The following ATPAF2 variants were observed in gnomAD, a reference collection of about 807,000 sequenced individuals.
The protein encoded by ATPAF2 is ATP synthase mitochondrial F1 complex assembly factor 2.
ATPAF2 carries 30 observed loss-of-function variants against 36.6 expected under a neutral mutation model. The ratio of observed to expected loss-of-function variants is 0.82; its 90% CI spans 0.61 to 1.11. The LOEUF (loss-of-function observed/expected upper bound fraction) is 1.11, where lower values mean the gene tolerates loss of function less well. Ranked by LOEUF, ATPAF2 falls within the 50% of genes most tolerant of loss-of-function variation. ATPAF2 has a pLI of 0.00. For missense variants in ATPAF2, 321 were observed against 372.3 expected (o/e 0.86, Z 1.13); for synonymous variants, 140 against 152.6 (o/e 0.92, Z 0.61).
chr17:18,021,726 C>T lies in ATPAF2; in HGVS notation c.616+19G>A, dbSNP rs1568567022. 11 of 1,610,388 alleles carry T rather than the reference C, an allele frequency of 6.8e-6. No individual in the cohort carries two copies. Among genetic ancestry groups the T allele is most frequent in the Non-Finnish European group, 9.3e-6 (11 of 1,177,354 alleles). ...CCTTCACAGCCACCTGCCAAGCCCACAAGAAACTCCATACATGCCTTGTAA... is the reference window on the plus strand; with the variant it reads ...CCTTCACAGCCACCTGCCAAGCCCATAAGAAACTCCATACATGCCTTGTAA... On this transcript the variant is annotated intron_variant, in intron 6 of 7. Coordinates refer to ENST00000474627, the MANE Select transcript of ATPAF2 (RefSeq NM_145691.4).
At chr17:18,031,955 C>G (rs185090195) in intron 1 of ATPAF2, among the ~76,000 whole-genome samples, 7 of 152,318 alleles carry the variant, frequency 4.6e-5, no homozygotes, top group Admixed American at 2.6e-4. Flanking sequence ...CTGTCCTGGT[C>G]ATATCCAAAT....
At chr17:18,017,187 AAAAAAAAAAAAAAAAAAAAAAT>A (rs1388500406), downstream of ATPAF2, among the ~76,000 whole-genome samples, 19 of 142,772 alleles carry the variant, frequency 1.3e-4, no homozygotes, top group African/African-American at 4.6e-4. Context: ...AAAAAAAAAA[AAAAAAAAAAAAAAAAAAAAAAT>A]GTTCATGTAG....
At chr17:18,029,090 T>C (rs2044590275) in intron 1 of ATPAF2, among the ~76,000 whole-genome samples, 1 of 152,202 alleles carries the variant, frequency 6.6e-6, no homozygotes, top group African/African-American at 2.4e-5. Flanking sequence ...AAAGCCAGTG[T>C]GCGTGCGCAG....
downstream of ATPAF2, chr17:18,016,593 C>G (rs763917499): frequency 6.2e-7 from 1 of 1,613,816 alleles, no homozygotes; most frequent in East Asian, 2.2e-5. Context: ...ACCGCAAGCG[C>G]GTGAAGGAGA....
intron 3 of ATPAF2, chr17:18,026,819 A>T (rs2044553013): frequency 3.8e-6 from 1 of 265,606 alleles, no homozygotes; most frequent in African/African-American, 2.2e-5. Context: ...AATACAGTTA[A>T]TAAGACATGT....
At chr17:18,032,508 C>G (rs1228894028) in intron 1 of ATPAF2, among the ~76,000 whole-genome samples, 1 of 152,224 alleles carries the variant, frequency 6.6e-6, no homozygotes, top group African/African-American at 2.4e-5. Flanking sequence ...GCCGCCAGGC[C>G]TCAGATTAGA....
intron 1 of ATPAF2, among the ~76,000 whole-genome samples, chr17:18,038,047 C>G (rs2044729905): frequency 6.6e-6 from 1 of 152,222 alleles, no homozygotes; most frequent in Non-Finnish European, 1.5e-5. Context: ...ACAATTTAAT[C>G]AGAATATTAT....
At chr17:18,036,991 A>C (rs7503738) in intron 1 of ATPAF2, among the ~76,000 whole-genome samples, 1 of 151,966 alleles carries the variant, frequency 6.6e-6, no homozygotes. Context: ...GAATTGCTTG[A>C]ATCTGGGAGG....
chr17:18,020,305 T>G (rs2044451039), intron 7 of ATPAF2, among the ~76,000 whole-genome samples: 1 of 152,246 alleles, frequency 6.6e-6, no homozygotes, highest in Non-Finnish European at 1.5e-5. Flanking sequence ...GCTACCCCTA[T>G]GCTCCTCTGC....
At chr17:18,019,571 TTC>T (rs1354866939) in intron 7 of ATPAF2, among the ~76,000 whole-genome samples, 1 of 152,248 alleles carries the variant, frequency 6.6e-6, no homozygotes, top group Non-Finnish European at 1.5e-5. Context: ...AAGTTGCAGA[TTC>T]TCTGTCTGGA....
chr17:18,022,705 G>A lies in ATPAF2; in HGVS notation c.504-848C>T, dbSNP rs1402999760. Among the ~76,000 whole-genome samples, 5 of 149,880 alleles carry A rather than the reference G, an allele frequency of 3.3e-5. No homozygotes were observed. The East Asian group carries it at 7.8e-4, about 23-fold the overall frequency. On this transcript the variant is annotated intron_variant, in intron 5 of 7. Coordinates refer to ENST00000474627, the MANE Select transcript of ATPAF2 (RefSeq NM_145691.4). ...GCGACCTCCGCCTCCTGACCTCTGC[G>A]CCTGGCTGAGAAGATACATTTTCAA... is the stretch of plus-strand genomic sequence containing the variant.
intron 1 of ATPAF2, among the ~76,000 whole-genome samples, chr17:18,036,171 T>C (rs1485950525): frequency 6.6e-6 from 1 of 152,198 alleles, no homozygotes; most frequent in Non-Finnish European, 1.5e-5. Flanking sequence ...CCAAGTTCAA[T>C]CAGCTTGCTG....
chr17:18,027,516 C>T (rs974905257), intron 3 of ATPAF2, among the ~76,000 whole-genome samples: 10 of 152,148 alleles, frequency 6.6e-5, no homozygotes, highest in African/African-American at 2.2e-4. Context: ...ACCACAGCTC[C>T]GTGAGGTGGG....
intron 3 of ATPAF2, 33 bp downstream of exon 3, chr17:18,028,199 T>C (rs2044575630): frequency 1.9e-6 from 3 of 1,613,986 alleles, no homozygotes; most frequent in Middle Eastern, 1.7e-4. Flanking sequence ...TGGGTGGGTC[T>C]CAGGGTCCAG....
intron 3 of ATPAF2, 107 bp downstream of exon 3, chr17:18,028,125 C>G (rs750758706): frequency 8.7e-6 from 12 of 1,381,384 alleles, no homozygotes; most frequent in African/African-American, 1.4e-5. Context: ...GGGGGCCAGA[C>G]AGGCAAAGGA....
intron 6 of ATPAF2, 136 bp downstream of exon 6, chr17:18,021,609 C>T (rs199545521): frequency 2.4e-6 from 2 of 826,872 alleles, no homozygotes; most frequent in East Asian, 4.9e-5. Flanking sequence ...TCAGAGCCAC[C>T]CAGCCTCCAC....
intron 7 of ATPAF2, among the ~76,000 whole-genome samples, chr17:18,020,525 A>G (rs1597665370): frequency 6.6e-6 from 1 of 152,358 alleles, no homozygotes; most frequent in South Asian, 2.1e-4. Flanking sequence ...CACATTTTCC[A>G]GAGGTGCAAC....
At chr17:18,021,376 AAG>A (rs2044466902) in intron 6 of ATPAF2, 138 bp from the exon 7 acceptor site, 1 of 748,504 alleles carries the variant, frequency 1.3e-6, no homozygotes, top group East Asian at 2.7e-5. Context: ...ACTCTTCTGA[AAG>A]AGCACTCTGG....
At chr17:18,016,733 G>A, downstream of ATPAF2, 1 of 1,070,956 alleles carries the variant, frequency 9.3e-7, no homozygotes, top group Non-Finnish European at 1.4e-6. Context: ...GGAGAAGGAA[G>A]TGCACACGCC....
Sources: gnomAD v4.1 joint callset for allele counts (sites outside exome capture counted in the v4.1 genomes callset) on GRCh38, gnomAD v4.1.1 for gene constraint, MANE v1.5 for transcripts, NCBI Gene and HGNC (gene_info 2026-07-23, HGNC 2026-07-21) for gene names.